The following GULP1 variants were observed in gnomAD, a reference collection of about 807,000 sequenced individuals.
GULP1 encodes the protein GULP PTB domain containing engulfment adaptor 1.
GULP1 carries 19 observed loss-of-function variants against 40.9 expected under a neutral mutation model. That is an observed-to-expected ratio of 0.46 (90% CI 0.32 to 0.68). The LOEUF is 0.68. GULP1 is among the 30% of genes least tolerant of loss of function. The pLI, the probability that GULP1 is intolerant of heterozygous loss-of-function variation, is 0.03. For missense variants in GULP1, 312 were observed against 362.2 expected (o/e 0.86, Z 1.12); for synonymous variants, 119 against 117.6 (o/e 1.01, Z -0.08).
At chr2:188,381,260 G>C (rs759264952) in intron 1 of GULP1, among the ~76,000 whole-genome samples, 10 of 152,062 alleles carry the variant, frequency 6.6e-5, no homozygotes, top group Admixed American at 5.2e-4. Flanking sequence ...GTAGGCATAA[G>C]TTAGTTCTTA....
intron 6 of GULP1, among the ~76,000 whole-genome samples, chr2:188,529,430 C>G: frequency 6.6e-6 from 1 of 152,012 alleles, no homozygotes; most frequent in East Asian, 1.9e-4. Flanking sequence ...GTGCATTCAA[C>G]AGTGTTTGGA....
At chr2:188,304,127 T>C (rs2036628662) in intron 1 of GULP1, among the ~76,000 whole-genome samples, 1 of 151,882 alleles carries the variant, frequency 6.6e-6, no homozygotes, top group Admixed American at 6.6e-5. Context: ...GAAATTATAG[T>C]AGAAAATATA....
chr2:188,507,396 C>CTTTTTTTT (rs5837091), intron 4 of GULP1, among the ~76,000 whole-genome samples: 8 of 103,526 alleles, frequency 7.7e-5, no homozygotes, highest in South Asian at 3.2e-4. Flanking sequence ...CATTTGTTTT[C>CTTTTTTTT]TTTTTTTTTT....
At chr2:188,520,263 C>T (rs2065603008) in intron 4 of GULP1, among the ~76,000 whole-genome samples, 1 of 152,050 alleles carries the variant, frequency 6.6e-6, no homozygotes, top group Admixed American at 6.6e-5. Flanking sequence ...ATTGGCCGGG[C>T]GTGGTGGCCC....
At chr2:188,552,872 C>G (rs1034010627) in intron 7 of GULP1, among the ~76,000 whole-genome samples, 1 of 149,458 alleles carries the variant, frequency 6.7e-6, no homozygotes, top group Non-Finnish European at 1.5e-5. Context: ...TATATTTATT[C>G]CTATATATGT....
intron 1 of GULP1, among the ~76,000 whole-genome samples, chr2:188,308,155 T>A (rs2037456377): frequency 6.6e-6 from 1 of 152,164 alleles, no homozygotes. Flanking sequence ...CATCCACATG[T>A]GTTCAGACTC....
chr2:188,532,433 T>C (rs1687793639), intron 6 of GULP1, among the ~76,000 whole-genome samples: 1 of 152,172 alleles, frequency 6.6e-6, no homozygotes, highest in African/African-American at 2.4e-5. Flanking sequence ...CGCTACAAGA[T>C]GGCTACCACC....
At chr2:188,339,593 C>T (rs1179195850) in intron 1 of GULP1, among the ~76,000 whole-genome samples, 2 of 152,058 alleles carry the variant, frequency 1.3e-5, no homozygotes, top group African/African-American at 2.4e-5. Context: ...AAGTTAAATC[C>T]TCAGCATTTG....
intron 2 of GULP1, among the ~76,000 whole-genome samples, chr2:188,449,186 C>T (rs1023086121): frequency 2.6e-5 from 4 of 152,122 alleles, no homozygotes; most frequent in Non-Finnish European, 4.4e-5. Flanking sequence ...TTTGTCTTTT[C>T]CAACCCCATT....
At chr2:188,499,587 T>C (rs995597707) in intron 4 of GULP1, among the ~76,000 whole-genome samples, 1 of 151,816 alleles carries the variant, frequency 6.6e-6, no homozygotes, top group Non-Finnish European at 1.5e-5. Flanking sequence ...TTACATGTTA[T>C]AATTGGAATA....
intron 1 of GULP1, among the ~76,000 whole-genome samples, chr2:188,294,709 T>A (rs1355278425): frequency 2.0e-5 from 3 of 152,202 alleles, no homozygotes; most frequent in Non-Finnish European, 4.4e-5. Flanking sequence ...CTCAGCCAAA[T>A]GTTTTCCCTG....
At chr2:188,557,993 A>G (rs1297806180) in intron 7 of GULP1, among the ~76,000 whole-genome samples, 1 of 152,074 alleles carries the variant, frequency 6.6e-6, no homozygotes, top group Non-Finnish European at 1.5e-5. Flanking sequence ...CCCTCCTAGG[A>G]AGCCTGCAAT....
chr2:188,307,139 C>G (rs978607820), intron 1 of GULP1, among the ~76,000 whole-genome samples: 1 of 152,114 alleles, frequency 6.6e-6, no homozygotes, highest in Non-Finnish European at 1.5e-5. Context: ...ATTATTATGT[C>G]ATGAAACTAT....
At chr2:188,515,576 A>G (rs2065085555) in intron 4 of GULP1, among the ~76,000 whole-genome samples, 3 of 152,080 alleles carry the variant, frequency 2.0e-5, no homozygotes, top group South Asian at 4.1e-4. Flanking sequence ...CTTTTTAGAG[A>G]GAACTGATGA....
At chr2:188,385,431 T>C (rs901814830) in intron 2 of GULP1, among the ~76,000 whole-genome samples, 1 of 152,032 alleles carries the variant, frequency 6.6e-6, no homozygotes, top group African/African-American at 2.4e-5. Context: ...AATCATTTTT[T>C]CCTCCTAAAC....
At chr2:188,367,305 G>C (rs60868421) in intron 1 of GULP1, among the ~76,000 whole-genome samples, 1 of 152,214 alleles carries the variant, frequency 6.6e-6, no homozygotes, top group Non-Finnish European at 1.5e-5. Flanking sequence ...CAGGCCAGGT[G>C]CTGGGGATGT....
chr2:188,382,766 T>C (rs2049163180), intron 1 of GULP1, among the ~76,000 whole-genome samples: 1 of 152,072 alleles, frequency 6.6e-6, no homozygotes, highest in Non-Finnish European at 1.5e-5. Context: ...CACAGTTGTA[T>C]TCCCAGCTAC....
rs1164481151 is a variant in GULP1, at chr2:188,514,040, AGTGTGTGTGT to A, written c.91-8682_91-8673del. On this transcript the variant is annotated intron_variant, in intron 4 of 11. Coordinates refer to ENST00000409830, the MANE Select transcript of GULP1 (RefSeq NM_016315.4). The stretch of plus-strand genomic sequence containing the variant: ...GATCTGTCTAAATGGTCCCCTTCTG[AGTGTGTGTGT>A]GTGTGTGTGTGTGTGTGTGTGTGTG... Among the ~76,000 whole-genome samples the A allele has an allele frequency of 5.0e-3, 618 of 123,070 alleles. 3 individuals are homozygous for A. The highest frequency in any genetic ancestry group is 6.9e-3 in the Admixed American group (79 of 11,412). The allele number at this position is 123,070 out of a possible 152,430, so 80.7% of individuals were successfully genotyped here.
At chr2:188,316,966 A>C (rs1319586702) in intron 1 of GULP1, among the ~76,000 whole-genome samples, 1 of 152,142 alleles carries the variant, frequency 6.6e-6, no homozygotes. Context: ...GCTTATATTA[A>C]AATATGCCTT....
Sources: gnomAD v4.1 joint callset for allele counts (sites outside exome capture counted in the v4.1 genomes callset) on GRCh38, gnomAD v4.1.1 for gene constraint, MANE v1.5 for transcripts, NCBI Gene and HGNC (gene_info 2026-07-23, HGNC 2026-07-21) for gene names.